SSX7: variants seen among roughly 807,000 people sequenced by gnomAD.
SSX7 encodes the protein SSX family member 7, also known as protein SSX7.
Under a neutral mutation model 14.7 loss-of-function variants are expected in SSX7, and 15 were observed. That is an observed-to-expected ratio of 1.02 (90% confidence interval 0.68 to 1.58). The LOEUF is 1.58. SSX7 is among the 40% of genes most tolerant of loss of function. The probability of loss-of-function intolerance (pLI) is 0.00; values close to 1 mark genes in which losing one functional copy is unlikely to be tolerated. For synonymous variants in SSX7, 46 were observed against 50.6 expected (o/e 0.91, Z 0.38); for missense variants, 178 against 146.8 (o/e 1.21, Z -1.10).
intron 5 of SSX7, among the ~76,000 whole-genome samples, chrX:52,648,999 A>C (rs781806736): frequency 8.1e-5 from 9 of 111,365 alleles, no homozygotes. Context: ...TTGCATTGGG[A>C]TGTGTCACTG....
intron 5 of SSX7, among the ~76,000 whole-genome samples, chrX:52,649,325 C>T (rs1187318625): frequency 7.2e-5 from 8 of 111,756 alleles, no homozygotes; most frequent in African/African-American, 1.6e-4. Context: ...CACCGTGCCC[C>T]GCTCTTAATC....
intron 6 of SSX7, among the ~76,000 whole-genome samples, chrX:52,645,876 T>G (rs1448685661): frequency 2.7e-5 from 3 of 110,918 alleles, no homozygotes; most frequent in African/African-American, 9.8e-5. Context: ...TTGCACAACA[T>G]TTTCATAGTG....
At chrX:52,650,473 C>G (rs1376470006) in intron 4 of SSX7, 71 bp from the exon 5 acceptor site, 1 of 1,075,529 alleles carries the variant, frequency 9.3e-7, no homozygotes, top group Non-Finnish European at 1.3e-6. Context: ...TCTGTAGCAT[C>G]AGGGTATTCT....
intron 6 of SSX7, among the ~76,000 whole-genome samples, chrX:52,646,102 C>T (rs1925237281): frequency 9.0e-6 from 1 of 111,323 alleles, no homozygotes; most frequent in South Asian, 3.8e-4. Context: ...CTCGCTCTGT[C>T]GCCCAGACTG....
rs782810812 is a variant in SSX7 at position 52,645,867 on chromosome X, T to C, written c.467-324A>G. On this transcript the variant is annotated intron_variant, in intron 6 of 7. Transcript: ENST00000298181. ...GGCACCGAGGCATACTTTTTTTTAT[T>C]GCACAACATTTTCATAGTGCTTCAC... Among the ~76,000 whole-genome samples the C allele has an allele frequency of 4.2e-3, 471 of 110,859 alleles. 3 individuals carry two copies. The South Asian group carries it at 0.044, about 10-fold the overall frequency.
chrX:52,651,344 C>G (rs1469900227), intron 4 of SSX7, among the ~76,000 whole-genome samples: 2 of 112,267 alleles, frequency 1.8e-5, no homozygotes, highest in African/African-American at 6.5e-5. Context: ...GAGACAAACT[C>G]TGGAAGTTTT....
intron 7 of SSX7, among the ~76,000 whole-genome samples, 168 bp downstream of exon 7, chrX:52,645,268 CAAA>C (rs879961299): frequency 1.5e-5 from 1 of 66,413 alleles, no homozygotes; most frequent in Non-Finnish European, 2.9e-5. Flanking sequence ...GCGAATCCGT[CAAA>C]AAAAAAAAAA....
At position 52,654,364 on chromosome X, in the gene SSX7, G is replaced by GTTTTGTTTTT. The variant is rs1556767485; in HGVS notation, c.-21+397_-21+398insAAAAACAAAA. On this transcript the variant is annotated intron_variant, in intron 1 of 7. Coordinates refer to ENST00000298181, the MANE Select transcript of SSX7 (RefSeq NM_173358.2). ...ATCCCAGGAGGAAAGATTTGAGTGA[G>GTTTTGTTTTT]TTTTTTTTTTTTTTTTTTTTTGAGT... Among the ~76,000 whole-genome samples, 2 of 60,944 alleles carry GTTTTGTTTTT rather than the reference G, an allele frequency of 3.3e-5. 1 individual carries two copies. The highest frequency in any genetic ancestry group is 5.5e-5 in the Non-Finnish European group (2 of 36,168). 52.9% of individuals were successfully genotyped at this position (60,944 alleles called of 115,157 possible). A position where few individuals can be genotyped will look rare whatever the true frequency, so the allele number is the denominator to read the frequency against.
At chrX:52,646,302 A>G (rs1348001706) in intron 6 of SSX7, among the ~76,000 whole-genome samples, 15 of 112,411 alleles carry the variant, frequency 1.3e-4, no homozygotes, top group Non-Finnish European at 2.4e-4. Flanking sequence ...CGACTTCGTG[A>G]TCTGCCTGCC....
chrX:52,646,575 T>C (rs781847106), intron 6 of SSX7, among the ~76,000 whole-genome samples: 3 of 112,044 alleles, frequency 2.7e-5, no homozygotes, highest in East Asian at 5.6e-4. Context: ...ATAATCACCC[T>C]GTTCTGTGTA....
At position 52,650,348 on chromosome X, in the gene SSX7, C is replaced by G. The variant is rs781990502; in HGVS notation, c.330+5G>C. 8.3e-7 allele frequency: 1 copy of G among 1,207,947 alleles called. No homozygotes were observed. The highest frequency in any genetic ancestry group is 1.7e-5 in the African/African-American group (1 of 57,192). On this transcript the variant is annotated splice_donor_5th_base_variant and intron_variant, in intron 5 of 7. Coordinates refer to ENST00000298181, the MANE Select transcript of SSX7 (RefSeq NM_173358.2). ...TCTGGTCCTTTAGATCTGAGAGACA[C>G]TCACCTTCGGGAAGATTCTCTGGAG...
intron 6 of SSX7, among the ~76,000 whole-genome samples, chrX:52,646,443 C>T (rs182329810): frequency 1.8e-5 from 2 of 112,676 alleles, no homozygotes; most frequent in Non-Finnish European, 3.7e-5. Flanking sequence ...GCATGCCATG[C>T]GTAATAATCA....
intron 7 of SSX7, 85 bp from the exon 8 acceptor site, chrX:52,644,755 A>T (rs1925178883): frequency 5.0e-6 from 5 of 1,000,557 alleles, no homozygotes; most frequent in Non-Finnish European, 7.0e-6. Flanking sequence ...TGACCTGCAG[A>T]CCCTGCACAC....
At chrX:52,653,327 G>T (rs1289102621) in intron 2 of SSX7, 77 bp downstream of exon 2, 10 of 1,209,182 alleles carry the variant, frequency 8.3e-6, no homozygotes, top group Non-Finnish European at 1.0e-5. Context: ...CAGTATCTCT[G>T]TCCTCCCCTC....
intron 1 of SSX7, among the ~76,000 whole-genome samples, chrX:52,654,364 G>GTTTTGTTT (rs1556767485): frequency 9.0e-4 from 55 of 60,916 alleles, no homozygotes; most frequent in Admixed American, 1.6e-3. Flanking sequence ...ATTTGAGTGA[G>GTTTTGTTT]TTTTTTTTTT....
chrX:52,653,566 C>T (rs1925510607), intron 1 of SSX7, 74 bp from the exon 2 acceptor site: 11 of 1,129,526 alleles, frequency 9.7e-6, no homozygotes, highest in Middle Eastern at 2.5e-4. Flanking sequence ...CAGTGAAGGC[C>T]GGCCACCCTC....
At chrX:52,653,284 C>A in intron 2 of SSX7, 120 bp downstream of exon 2, 5 of 1,206,127 alleles carry the variant, frequency 4.1e-6, no homozygotes, top group Non-Finnish European at 5.6e-6. Context: ...TCTCAAGGAT[C>A]CAGATCTCCC....
rs1484355768 is a variant in SSX7 at position 52,644,489 on chromosome X, A to G, written c.*186T>C. 1 of 666,522 alleles carries G rather than the reference A, an allele frequency of 1.5e-6. No individual in the cohort carries two copies. Among genetic ancestry groups the G allele is most frequent in the East Asian group, 3.5e-5 (1 of 28,397 alleles). The allele number at this position is 666,522 out of a possible 1,213,427, so 54.9% of individuals were successfully genotyped here. A position where few individuals can be genotyped will look rare whatever the true frequency, so the allele number is the denominator to read the frequency against. ...GAATGGCACACTGTAAGAAAATACAATGGAAACACTAACATCGAACTCTTG... is the reference window on the plus strand; with the variant it reads ...GAATGGCACACTGTAAGAAAATACAGTGGAAACACTAACATCGAACTCTTG... On this transcript the variant is annotated 3_prime_UTR_variant, in exon 8 of 8. Transcript: ENST00000298181.
intron 4 of SSX7, among the ~76,000 whole-genome samples, chrX:52,650,890 C>T (rs1387133673): frequency 1.8e-5 from 2 of 112,073 alleles, no homozygotes; most frequent in Non-Finnish European, 3.8e-5. Flanking sequence ...GACACCCAAG[C>T]ACTGGATTTT....
Sources: gnomAD v4.1 joint callset for allele counts (sites outside exome capture counted in the v4.1 genomes callset) on GRCh38, gnomAD v4.1.1 for gene constraint, MANE v1.5 for transcripts, NCBI Gene and HGNC (gene_info 2026-07-23, HGNC 2026-07-21) for gene names.